INPP4B: variants seen among roughly 807,000 people sequenced by gnomAD.
INPP4B encodes inositol polyphosphate-4-phosphatase type II B.
INPP4B carries 55 observed loss-of-function variants against 122.5 expected under a neutral mutation model. The observed-to-expected ratio is 0.45, with a 90% CI of 0.36 to 0.56. The LOEUF is 0.56. Among genes scored for constraint, INPP4B ranks in the 20% least tolerant of loss-of-function variants. The probability of loss-of-function intolerance (pLI) is 0.00; values close to 1 mark genes in which losing one functional copy is unlikely to be tolerated. For synonymous variants in INPP4B, 403 were observed against 388.7 expected (o/e 1.04, Z -0.43); for missense variants, 1,000 against 1,097.7 (o/e 0.91, Z 1.26).
intron 20 of INPP4B, among the ~76,000 whole-genome samples, chr4:142,122,595 A>T (rs1240457191): frequency 5.9e-5 from 9 of 152,116 alleles, no homozygotes; most frequent in Admixed American, 3.3e-4. Context: ...TGAATTTATC[A>T]TCACTGACCC....
chr4:142,314,386 G>T (rs890069863), intron 8 of INPP4B, among the ~76,000 whole-genome samples: 1 of 152,108 alleles, frequency 6.6e-6, no homozygotes, highest in Non-Finnish European at 1.5e-5. Context: ...AAGCGGTAGA[G>T]ATCACATCTG....
Position 142,028,571 on chromosome 4 carries a change from C to T in INPP4B, c.*211G>A, listed in dbSNP as rs1737774991. 4 of 534,548 alleles carry T rather than the reference C, an allele frequency of 7.5e-6. No individual in the cohort carries two copies. Among genetic ancestry groups the T allele is most frequent in the South Asian group, 2.7e-5 (1 of 36,492 alleles). 33.1% of individuals were successfully genotyped at this position (534,548 alleles called of 1,614,324 possible). On this transcript the variant is annotated 3_prime_UTR_variant, in exon 26 of 26. Coordinates refer to ENST00000262992, the MANE Select transcript of INPP4B (RefSeq NM_001101669.3). ...CATAGAAGCTTAGAACTAGAAATGA[C>T]AGTACTGAATCATGTAAGATTTTTT...
chr4:142,092,348 T>C (rs532980927), intron 23 of INPP4B, among the ~76,000 whole-genome samples: 1 of 142,538 alleles, frequency 7.0e-6, no homozygotes, highest in Non-Finnish European at 1.6e-5. Context: ...TGGAGTGCAG[T>C]GGTGTGACCT....
intron 7 of INPP4B, among the ~76,000 whole-genome samples, chr4:142,341,939 A>G (rs1156529014): frequency 1.3e-5 from 2 of 152,152 alleles, no homozygotes; most frequent in African/African-American, 4.8e-5. Flanking sequence ...CCTCCAGATG[A>G]GAACATAGCC....
intron 1 of INPP4B, among the ~76,000 whole-genome samples, chr4:142,812,463 A>T (rs1580976905): frequency 6.6e-6 from 1 of 152,182 alleles, no homozygotes; most frequent in Non-Finnish European, 1.5e-5. Flanking sequence ...GTGCATTTTA[A>T]TAAATATAGC....
intron 2 of INPP4B, among the ~76,000 whole-genome samples, chr4:142,537,760 T>C (rs1580317674): frequency 8.1e-6 from 1 of 123,974 alleles, no homozygotes; most frequent in African/African-American, 2.9e-5. Context: ...TGTGTGTGTG[T>C]GTGTGTGTGT....
intron 1 of INPP4B, among the ~76,000 whole-genome samples, chr4:142,745,102 C>T (rs1043477656): frequency 4.0e-5 from 6 of 151,782 alleles, no homozygotes; most frequent in African/African-American, 1.4e-4. Context: ...AGTGGATTAA[C>T]ACTGAATCTA....
chr4:142,538,194 C>T (rs1395464862), intron 2 of INPP4B, among the ~76,000 whole-genome samples: 1 of 152,052 alleles, frequency 6.6e-6, no homozygotes, highest in East Asian at 1.9e-4. Context: ...CATACTCCTT[C>T]TTTGTAAGCA....
intron 2 of INPP4B, among the ~76,000 whole-genome samples, chr4:142,618,874 A>AAAAT (rs558966100): frequency 0.018 from 2,755 of 151,532 alleles, 54 homozygotes; most frequent in African/African-American, 0.051. Flanking sequence ...ACTCAATGGC[A>AAAAT]AAATAAATAA....
intron 12 of INPP4B, among the ~76,000 whole-genome samples, chr4:142,224,365 A>T (rs752971967): frequency 6.6e-6 from 1 of 152,088 alleles, no homozygotes; most frequent in East Asian, 1.9e-4. Context: ...TTTAATATAT[A>T]TTTTTAATAT....
intron 7 of INPP4B, among the ~76,000 whole-genome samples, chr4:142,340,664 C>T (rs1778398120): frequency 6.6e-6 from 1 of 152,156 alleles, no homozygotes; most frequent in Non-Finnish European, 1.5e-5. Context: ...CCTCCTGCCT[C>T]AGCTTCCCAA....
At chr4:142,543,585 A>G (rs1223255412) in intron 2 of INPP4B, among the ~76,000 whole-genome samples, 2 of 152,134 alleles carry the variant, frequency 1.3e-5, no homozygotes, top group Non-Finnish European at 2.9e-5. Context: ...ATTCAATTGT[A>G]GAGTCAGCAT....
At chr4:142,598,879 T>C (rs1580464143) in intron 2 of INPP4B, among the ~76,000 whole-genome samples, 1 of 152,024 alleles carries the variant, frequency 6.6e-6, no homozygotes, top group Admixed American at 6.6e-5. Flanking sequence ...GAGGCTGAGG[T>C]AGGTGAATCA....
At chr4:142,529,690 G>T (rs1173142533) in intron 2 of INPP4B, among the ~76,000 whole-genome samples, 1 of 151,804 alleles carries the variant, frequency 6.6e-6, no homozygotes. Context: ...TGTAAAAAAG[G>T]GGTCCTCAGA....
intron 9 of INPP4B, among the ~76,000 whole-genome samples, chr4:142,281,636 C>T (rs960475932): frequency 2.6e-5 from 4 of 151,864 alleles, no homozygotes; most frequent in South Asian, 4.1e-4. Context: ...AAAAGGTCAA[C>T]GTTATACAGT....
chr4:142,398,827 G>A (rs775537516), intron 7 of INPP4B, among the ~76,000 whole-genome samples: 1 of 152,026 alleles, frequency 6.6e-6, no homozygotes, highest in Non-Finnish European at 1.5e-5. Flanking sequence ...GTAAAAAAAT[G>A]TCTTAGGACT....
At chr4:142,219,010 A>G (rs1848380553) in intron 12 of INPP4B, among the ~76,000 whole-genome samples, 1 of 152,222 alleles carries the variant, frequency 6.6e-6, no homozygotes, top group African/African-American at 2.4e-5. Context: ...CCACACATGG[A>G]TAAAAATTGC....
At position 142,238,031 on chromosome 4, in the gene INPP4B, A is replaced by C. The variant is rs1368358935; in HGVS notation, c.689-20T>G. ...TTAACACTGGAAAAAAAAAGAAAAAATAATAGTTAAATTCTAAGCAAATGC... is the reference window on the plus strand; with the variant it reads ...TTAACACTGGAAAAAAAAAGAAAAACTAATAGTTAAATTCTAAGCAAATGC... On this transcript the variant is annotated intron_variant, in intron 11 of 25. Transcript: ENST00000262992. The C allele has an allele frequency of 7.6e-7, 1 of 1,313,974 alleles. No individual in the cohort carries two copies. Among genetic ancestry groups the C allele is most frequent in the South Asian group, 1.4e-5 (1 of 71,026 alleles). 81.4% of individuals were successfully genotyped at this position (1,313,974 alleles called of 1,614,324 possible). A position where few individuals can be genotyped will look rare whatever the true frequency, so the allele number is the denominator to read the frequency against.
chr4:142,327,769 G>T (rs183264274), intron 7 of INPP4B, among the ~76,000 whole-genome samples: 1 of 152,206 alleles, frequency 6.6e-6, no homozygotes, highest in Non-Finnish European at 1.5e-5. Flanking sequence ...AAACAACCCT[G>T]TGAGAAAACT....
Sources: gnomAD v4.1 joint callset for allele counts (sites outside exome capture counted in the v4.1 genomes callset) on GRCh38, gnomAD v4.1.1 for gene constraint, MANE v1.5 for transcripts, NCBI Gene and HGNC (gene_info 2026-07-23, HGNC 2026-07-21) for gene names.